The following GALNT13 variants were observed in gnomAD, a reference collection of about 807,000 sequenced individuals.
The protein encoded by GALNT13 is polypeptide N-acetylgalactosaminyltransferase 13, also known as UDP-GalNAc:polypeptide N-acetylgalactosaminyltransferase 13.
Under a neutral mutation model 64.2 loss-of-function variants are expected in GALNT13, and 28 were observed. The observed-to-expected ratio is 0.44, with a 90% CI of 0.32 to 0.60. The LOEUF is 0.60. Among genes scored for constraint, GALNT13 ranks in the 20% least tolerant of loss-of-function variants. The pLI is 0.05. For synonymous variants in GALNT13, 214 were observed against 224.6 expected (o/e 0.95, Z 0.42); for missense variants, 577 against 669.8 (o/e 0.86, Z 1.53).
the GALNT13 span, among the ~76,000 whole-genome samples, chr2:153,568,270 T>G: frequency 6.6e-6 from 1 of 152,134 alleles, no homozygotes; most frequent in Non-Finnish European, 1.5e-5. Context: ...CAGGCTGGAG[T>G]ACAGTGGGTC....
chr2:154,043,455 T>TACACAC (rs1553470480), intron 3 of GALNT13, among the ~76,000 whole-genome samples: 1,114 of 104,670 alleles, frequency 0.011, 39 homozygotes, highest in African/African-American at 0.035. Flanking sequence ...TATATATATA[T>TACACAC]ACACACATGT....
chr2:153,721,670 G>C, the GALNT13 span, among the ~76,000 whole-genome samples: 2 of 151,448 alleles, frequency 1.3e-5, no homozygotes, highest in African/African-American at 2.4e-5. Context: ...CCTAGTCTCT[G>C]ATAAAACAGA....
At chr2:153,137,850 G>C in the GALNT13 span, among the ~76,000 whole-genome samples, 1 of 151,896 alleles carries the variant, frequency 6.6e-6, no homozygotes, top group Admixed American at 6.6e-5. Context: ...CCATGTCCTG[G>C]GAACCTCTCA....
At chr2:153,851,119 A>T in the GALNT13 span, among the ~76,000 whole-genome samples, 3 of 152,190 alleles carry the variant, frequency 2.0e-5, no homozygotes, top group Non-Finnish European at 4.4e-5. Flanking sequence ...AACTTATCAT[A>T]ATCAAATTAA....
At chr2:154,155,917 CTATA>C (rs1336715978) in intron 4 of GALNT13, among the ~76,000 whole-genome samples, 1 of 149,088 alleles carries the variant, frequency 6.7e-6, no homozygotes, top group Non-Finnish European at 1.5e-5. Flanking sequence ...TAGGATAAAA[CTATA>C]TATGGACAAA....
chr2:154,257,058 A>G (rs2105898172), intron 7 of GALNT13, among the ~76,000 whole-genome samples: 1 of 152,278 alleles, frequency 6.6e-6, no homozygotes, highest in African/African-American at 2.4e-5. Context: ...TGAGAGAGCT[A>G]ACTGATATTG....
chr2:154,113,498 G>A (rs1703103711), intron 3 of GALNT13, among the ~76,000 whole-genome samples: 1 of 152,178 alleles, frequency 6.6e-6, no homozygotes, highest in African/African-American at 2.4e-5. Flanking sequence ...CTTGTAGGAG[G>A]GGCCAAATGC....
chr2:154,284,374 G>A (rs1419743206), intron 8 of GALNT13, among the ~76,000 whole-genome samples: 1 of 151,914 alleles, frequency 6.6e-6, no homozygotes, highest in East Asian at 1.9e-4. Context: ...ATCTTTCTGT[G>A]CCTGGCTTAT....
At chr2:153,142,949 G>T in the GALNT13 span, among the ~76,000 whole-genome samples, 2 of 151,952 alleles carry the variant, frequency 1.3e-5, no homozygotes, top group East Asian at 3.9e-4. Context: ...TCAGACAGGG[G>T]TTCAACTTCC....
chr2:154,173,314 A>T (rs1428828415), intron 4 of GALNT13, among the ~76,000 whole-genome samples: 2 of 151,868 alleles, frequency 1.3e-5, no homozygotes, highest in African/African-American at 2.4e-5. Flanking sequence ...ACTATACACA[A>T]AAAAACAAAT....
the GALNT13 span, among the ~76,000 whole-genome samples, chr2:153,145,971 G>A: frequency 6.6e-6 from 1 of 151,764 alleles, no homozygotes; most frequent in Non-Finnish European, 1.5e-5. Flanking sequence ...AGGAGAATGT[G>A]AGGTGTATTT....
intron 4 of GALNT13, among the ~76,000 whole-genome samples, chr2:154,146,539 C>T (rs1458622033): frequency 1.3e-4 from 20 of 151,784 alleles, no homozygotes; most frequent in Non-Finnish European, 2.9e-5. Flanking sequence ...AATATGCTAC[C>T]CTAAAATATG....
chr2:154,346,354 C>G (rs1016827184), intron 9 of GALNT13, among the ~76,000 whole-genome samples: 3 of 151,968 alleles, frequency 2.0e-5, no homozygotes, highest in African/African-American at 7.2e-5. Context: ...ACCTTCTTCC[C>G]ATTTCTAAAG....
chr2:153,733,635 T>TTA, the GALNT13 span, among the ~76,000 whole-genome samples: 1 of 152,178 alleles, frequency 6.6e-6, no homozygotes, highest in Non-Finnish European at 1.5e-5. Context: ...TTAGAATGAA[T>TTA]GTTATTAGAT....
chr2:153,701,945 A>G, the GALNT13 span, among the ~76,000 whole-genome samples: 1 of 152,228 alleles, frequency 6.6e-6, no homozygotes, highest in East Asian at 1.9e-4. Context: ...ATCTAGAACA[A>G]GAAATACCAT....
At chr2:153,127,806 A>G in the GALNT13 span, among the ~76,000 whole-genome samples, 1 of 152,176 alleles carries the variant, frequency 6.6e-6, no homozygotes, top group Non-Finnish European at 1.5e-5. Flanking sequence ...TGTATAACAG[A>G]TAATTTTTGA....
At chr2:154,072,119 GA>G (rs1444810463) in intron 3 of GALNT13, among the ~76,000 whole-genome samples, 1 of 152,080 alleles carries the variant, frequency 6.6e-6, no homozygotes, top group Admixed American at 6.6e-5. Context: ...TAAAACTATG[GA>G]AAACATGGAA....
chr2:153,300,553 TG>T, the GALNT13 span, among the ~76,000 whole-genome samples: 152 of 152,320 alleles, frequency 1.0e-3, no homozygotes, highest in African/African-American at 3.5e-3. Context: ...TTTTGAGTTT[TG>T]GTTAAAATTC....
the GALNT13 span, among the ~76,000 whole-genome samples, chr2:153,170,310 G>GT: frequency 2.7e-4 from 41 of 151,496 alleles, no homozygotes; most frequent in Admixed American, 3.9e-4. Flanking sequence ...TAAGCTAATT[G>GT]TTTTTTTTAA....
Sources: allele counts gnomAD v4.1 joint callset (sites outside exome capture counted in the v4.1 genomes callset), GRCh38; gene constraint gnomAD v4.1.1; transcripts MANE v1.5; gene names NCBI Gene and HGNC (gene_info 2026-07-23, HGNC 2026-07-21).